The following CTNND2 variants were observed in gnomAD, a reference collection of about 807,000 sequenced individuals.
CTNND2 encodes the protein catenin delta-2.
Under a neutral mutation model 144.4 loss-of-function variants are expected in CTNND2, and 22 were observed. The observed-to-expected ratio is 0.15, with a 90% CI of 0.11 to 0.22. The LOEUF (loss-of-function observed/expected upper bound fraction) is 0.22, where lower values mean the gene tolerates loss of function less well. Among genes scored for constraint, CTNND2 ranks in the 10% least tolerant of loss-of-function variants. CTNND2 has a pLI of 1.00. For missense variants in CTNND2, 1,353 were observed against 1,618.8 expected (o/e 0.84, Z 2.82); for synonymous variants, 751 against 695.6 (o/e 1.08, Z -1.25).
rs1431630889 is a variant in CTNND2 at position 11,173,390 on chromosome 5, C to T, written c.1976-13631G>A. Among the ~76,000 whole-genome samples, 5 of 152,248 alleles carry T rather than the reference C, an allele frequency of 3.3e-5. No individual in the cohort carries two copies. The East Asian group carries it at 9.6e-4, about 29-fold the overall frequency. On this transcript the variant is annotated intron_variant, in intron 11 of 21. Coordinates refer to ENST00000304623, the MANE Select transcript of CTNND2 (RefSeq NM_001332.4). ...TTCCACTGCTTCCCGCTGCTGACCA[C>T]CCTCTAGATCAGTATACTAACCCTG... is the stretch of plus-strand genomic sequence containing the variant.
At chr5:11,067,916 T>G (rs981942426) in intron 16 of CTNND2, among the ~76,000 whole-genome samples, 2 of 152,174 alleles carry the variant, frequency 1.3e-5, no homozygotes, top group Non-Finnish European at 2.9e-5. Flanking sequence ...ACTCTCTCTA[T>G]ATATAGTATT....
chr5:11,147,706 C>T (rs1381899743), intron 12 of CTNND2, among the ~76,000 whole-genome samples: 2 of 121,630 alleles, frequency 1.6e-5, no homozygotes, highest in African/African-American at 6.3e-5. Flanking sequence ...CAACATGAAA[C>T]GAAGGTAATG....
At chr5:11,827,100 C>A (rs1163635671) in intron 1 of CTNND2, among the ~76,000 whole-genome samples, 1 of 151,994 alleles carries the variant, frequency 6.6e-6, no homozygotes, top group Non-Finnish European at 1.5e-5. Context: ...AATAAATTTA[C>A]CAGAATTAAA....
rs373151594 is a variant in CTNND2 at position 11,288,767 on chromosome 5, T to C, written c.1629-51944A>G. On this transcript the variant is annotated intron_variant, in intron 9 of 21. Transcript: ENST00000304623. ...ATGTCACAAGGAATTCAATTAGTTATTTTATTTCAGGCTGATTATATGAGA... is the reference window on the plus strand; with the variant it reads ...ATGTCACAAGGAATTCAATTAGTTACTTTATTTCAGGCTGATTATATGAGA... Among the ~76,000 whole-genome samples the C allele has an allele frequency of 3.4e-4, 52 of 151,912 alleles. No homozygotes were observed. In the South Asian group the frequency reaches 7.9e-3, roughly 23 times the overall value.
chr5:11,618,732 A>C (rs1386836894), intron 2 of CTNND2, among the ~76,000 whole-genome samples: 4 of 152,122 alleles, frequency 2.6e-5, no homozygotes, highest in African/African-American at 9.7e-5. Flanking sequence ...ACTTTATTCT[A>C]CTCAAAGCAA....
chr5:11,071,244 GA>G (rs146035412), intron 16 of CTNND2, among the ~76,000 whole-genome samples: 9 of 152,202 alleles, frequency 5.9e-5, no homozygotes, highest in Middle Eastern at 6.8e-3. Flanking sequence ...TTTTTACTAA[GA>G]AAAAAATCAG....
intron 11 of CTNND2, among the ~76,000 whole-genome samples, chr5:11,177,892 G>T (rs770529209): frequency 6.6e-6 from 1 of 152,028 alleles, no homozygotes; most frequent in African/African-American, 2.4e-5. Flanking sequence ...CAATTCCATC[G>T]CAAGAAAACA....
chr5:11,814,975 T>C (rs1792546832), intron 1 of CTNND2, among the ~76,000 whole-genome samples: 1 of 152,218 alleles, frequency 6.6e-6, no homozygotes, highest in Non-Finnish European at 1.5e-5. Flanking sequence ...TTTAAAGAAC[T>C]TATTTTTAAG....
rs971560591 is a variant in CTNND2 at position 10,988,506 on chromosome 5, C to G, written c.3212-264G>C. ...ACTGGGGACCACATCCTGGGGCCAT[C>G]TTCCTCAGAGAGAGATCATGGAGGG... On this transcript the variant is annotated intron_variant, in intron 19 of 21. Coordinates refer to ENST00000304623, the MANE Select transcript of CTNND2 (RefSeq NM_001332.4). The surrounding 1 kb of genome is among the most constrained non-coding windows in gnomAD (Gnocchi z 5.9). Among the ~76,000 whole-genome samples, 1 of 152,168 alleles carries G rather than the reference C, an allele frequency of 6.6e-6. No individual in the cohort carries two copies. The highest frequency in any genetic ancestry group is 2.4e-5 in the African/African-American group (1 of 41,436).
intron 10 of CTNND2, among the ~76,000 whole-genome samples, chr5:11,222,382 C>A (rs1739887695): frequency 6.6e-6 from 1 of 152,154 alleles, no homozygotes; most frequent in Admixed American, 6.5e-5. Flanking sequence ...GCAAAGAGAA[C>A]TTTGTGTACC....
chr5:11,735,745 C>G (rs967890806), intron 1 of CTNND2, among the ~76,000 whole-genome samples: 1 of 152,180 alleles, frequency 6.6e-6, no homozygotes, highest in Non-Finnish European at 1.5e-5. Context: ...CCATGCAAGA[C>G]ATGCCTTTGC....
At chr5:11,860,528 A>C (rs969497653) in intron 1 of CTNND2, among the ~76,000 whole-genome samples, 1 of 152,206 alleles carries the variant, frequency 6.6e-6, no homozygotes, top group Non-Finnish European at 1.5e-5. Context: ...TCTATAATGC[A>C]CATAAGAATT....
intron 9 of CTNND2, among the ~76,000 whole-genome samples, chr5:11,311,779 T>TCACACA (rs113111244): frequency 9.5e-6 from 1 of 105,444 alleles, no homozygotes; most frequent in African/African-American, 3.9e-5. Context: ...CACCCTCACC[T>TCACACA]CACACACACA....
chr5:11,556,186 T>C (rs1244944410), intron 3 of CTNND2, among the ~76,000 whole-genome samples: 1 of 152,194 alleles, frequency 6.6e-6, no homozygotes, highest in Admixed American at 6.5e-5. Flanking sequence ...TAACTTTTTT[T>C]TTCCACCTGG....
intron 2 of CTNND2, among the ~76,000 whole-genome samples, chr5:11,665,929 T>C (rs1783545644): frequency 6.6e-6 from 1 of 152,180 alleles, no homozygotes; most frequent in South Asian, 2.1e-4. Context: ...ATCATATTTT[T>C]CCTTGATAAT....
chr5:11,763,135 T>C (rs1789372133), intron 1 of CTNND2, among the ~76,000 whole-genome samples: 1 of 152,168 alleles, frequency 6.6e-6, no homozygotes, highest in Admixed American at 6.5e-5. Context: ...CATGTGAAGA[T>C]GGTACATGCT....
intron 3 of CTNND2, among the ~76,000 whole-genome samples, chr5:11,526,425 G>C (rs152780): frequency 6.6e-6 from 1 of 152,096 alleles, no homozygotes; most frequent in Non-Finnish European, 1.5e-5. Context: ...GGAACCTATC[G>C]ATGACGTTAA....
intron 1 of CTNND2, among the ~76,000 whole-genome samples, chr5:11,827,219 A>G (rs1793650686): frequency 6.6e-6 from 1 of 152,204 alleles, no homozygotes; most frequent in South Asian, 2.1e-4. Flanking sequence ...TCAGGTGTAA[A>G]TAATTCATGG....
At chr5:11,479,532 G>A (rs1362054879) in intron 3 of CTNND2, among the ~76,000 whole-genome samples, 2 of 152,098 alleles carry the variant, frequency 1.3e-5, no homozygotes, top group Non-Finnish European at 2.9e-5. Context: ...AGATTGCTGC[G>A]TCCAATGGTA....
Sources: allele counts gnomAD v4.1 joint callset (sites outside exome capture counted in the v4.1 genomes callset), GRCh38; gene constraint gnomAD v4.1.1; non-coding constraint Gnocchi (gnomAD v3.1); transcripts MANE v1.5; gene names NCBI Gene and HGNC (gene_info 2026-07-23, HGNC 2026-07-21).